Variants in ENO1 observed in about 807,000 individuals in gnomAD.
ENO1 encodes enolase 1.
In ENO1, 33 loss-of-function variants were observed where a neutral mutation model predicts 46.3. The observed-to-expected ratio is 0.71, with a 90% CI of 0.54 to 0.95. The LOEUF (loss-of-function observed/expected upper bound fraction) is 0.95, where lower values mean the gene tolerates loss of function less well. Ranked by LOEUF, ENO1 falls within the 40% of genes least tolerant of loss-of-function variation. The pLI is 0.00. For synonymous variants in ENO1, 220 were observed against 216.0 expected, an observed-to-expected ratio of 1.02 and a Z score of -0.16; for missense variants, 488 against 553.3, an observed-to-expected ratio of 0.88 and a Z score of 1.18.
At chr1:8,875,316 A>G (rs1642713203) in intron 1 of ENO1, among the ~76,000 whole-genome samples, 1 of 152,126 alleles carries the variant, frequency 6.6e-6, no homozygotes, top group Non-Finnish European at 1.5e-5. Context: ...AGAAAAAAAA[A>G]AAAAGAGAGA....
At position 8,875,816 on chromosome 1, in the gene ENO1, G is replaced by C. The variant is rs1313233741; in HGVS notation, c.-9-899C>G. 6 of 152,130 alleles carry C rather than the reference G, an allele frequency of 3.9e-5. No individual in the cohort carries two copies. The East Asian group carries it at 1.2e-3, about 29-fold the overall frequency. The allele number at this position is 152,130 out of a possible 1,614,324, so 9.4% of individuals were successfully genotyped here. A position where few individuals can be genotyped will look rare whatever the true frequency, so the allele number is the denominator to read the frequency against. ...TTTTAAGAGATGGCGGTCTCACTAT[G>C]CTGCCCAGGCTGCTCTCAAACTCCT... On this transcript the variant is annotated intron_variant, in intron 1 of 11. Coordinates refer to ENST00000234590, the MANE Select transcript of ENO1 (RefSeq NM_001428.5).
chr1:8,862,388 G>A (rs539304378), intron 11 of ENO1, among the ~76,000 whole-genome samples: 1 of 152,214 alleles, frequency 6.6e-6, no homozygotes, highest in Non-Finnish European at 1.5e-5. Flanking sequence ...TGGCGGGCGG[G>A]GGGACAAGTC....
rs986667298 is a variant in ENO1 at position 8,866,121 on chromosome 1, C to T, written c.667+158G>A. Reference sequence around the variant, plus strand: ...AAAAAATAAGTAAAATAAAATGAAGCTCCCCTTTTCCTCCTTAAAACCGTT... The same window carrying T: ...AAAAAATAAGTAAAATAAAATGAAGTTCCCCTTTTCCTCCTTAAAACCGTT... On this transcript the variant is annotated intron_variant, in intron 7 of 11. Transcript: ENST00000234590. The T allele has an allele frequency of 1.3e-5, 7 of 542,846 alleles. No individual in the cohort carries two copies. In the South Asian group the frequency reaches 1.5e-4, roughly 12 times the overall value. 33.6% of individuals were successfully genotyped at this position (542,846 alleles called of 1,614,324 possible).
chr1:8,866,335 G>A lies in ENO1; in HGVS notation c.611C>T (p.Ala204Val). The A allele has an allele frequency of 6.2e-7, 1 of 1,614,128 alleles. No homozygotes were observed. Among genetic ancestry groups the A allele is most frequent in the East Asian group, 2.2e-5 (1 of 44,862 alleles). Residue 204 changes from alanine (A) to valine (V), a missense_variant, in exon 7 of 12, where the codon GCC becomes GTC. Physicochemically the swap from Ala to Val is moderately conservative, Grantham distance 64. Coordinates refer to ENST00000234590, the MANE Select transcript of ENO1 (RefSeq NM_001428.5). ...NVIKEKYGKD[A>V]TNVGDEGGFA... ...CCCGCCTTCATCCCCCACATTGGTGGCATCTTTCCCATATTTCTCCTTGAT... is the reference window on the plus strand; with the variant it reads ...CCCGCCTTCATCCCCCACATTGGTGACATCTTTCCCATATTTCTCCTTGAT...
In ENO1 at chr1:8,863,225, T is replaced by G. The variant is rs200520582; in HGVS notation, c.1176+10A>C. On this transcript the variant is annotated intron_variant, in intron 10 of 11. Transcript: ENST00000234590. ...GGTCAGAGAAGAAAGGAGGAGACGC[T>G]CATTCTTACCTGCCCAGTGCACAGC... is the stretch of plus-strand genomic sequence containing the variant. 221 of 1,613,524 alleles carry G rather than the reference T, an allele frequency of 1.4e-4. No homozygotes were observed. The highest frequency in any genetic ancestry group is 1.4e-4 in the Non-Finnish European group (164 of 1,179,742).
intron 3 of ENO1, chr1:8,871,409 T>A: frequency 1.0e-6 from 1 of 996,432 alleles, no homozygotes; most frequent in Non-Finnish European, 1.2e-6. Context: ...AGGGCTCCTA[T>A]GAGTCAGTCA....
chr1:8,862,992 G>C (rs1166811466), intron 10 of ENO1, 47 bp from the exon 11 acceptor site: 1 of 1,604,430 alleles, frequency 6.2e-7, no homozygotes, highest in African/African-American at 1.3e-5. Context: ...AAGCTTTGCA[G>C]GCATTTCTGG....
chr1:8,867,907 G>A (rs965632875), intron 5 of ENO1, 81 bp downstream of exon 5: 116 of 1,228,942 alleles, frequency 9.4e-5, no homozygotes, highest in Non-Finnish European at 1.2e-4. Flanking sequence ...CTAAGATCAT[G>A]GGCCTCTTCC....
At chr1:8,870,135 C>A (rs1642599991) in intron 4 of ENO1, 1 of 363,004 alleles carries the variant, frequency 2.8e-6, no homozygotes, top group Non-Finnish European at 5.1e-6. Context: ...ATGGACACTA[C>A]CACAAACACC....
chr1:8,868,349 T>C (rs1642566584), intron 4 of ENO1, among the ~76,000 whole-genome samples: 1 of 152,106 alleles, frequency 6.6e-6, no homozygotes, highest in African/African-American at 2.4e-5. Context: ...CCAAAGTGAC[T>C]TTACACCCAA....
chr1:8,873,215 T>C (rs900631612), intron 2 of ENO1, among the ~76,000 whole-genome samples: 1 of 152,136 alleles, frequency 6.6e-6, no homozygotes, highest in African/African-American at 2.4e-5. Context: ...ACCACTCTAG[T>C]GGGGATGCTG....
intron 11 of ENO1, 80 bp downstream of exon 11, chr1:8,862,807 G>T: frequency 1.3e-6 from 2 of 1,498,204 alleles, no homozygotes; most frequent in Non-Finnish European, 1.8e-6. Flanking sequence ...AGGAGCTCCT[G>T]GGGGAGGGCA....
chr1:8,875,601 C>T (rs1450276230), intron 1 of ENO1, among the ~76,000 whole-genome samples: 1 of 152,162 alleles, frequency 6.6e-6, no homozygotes, highest in African/African-American at 2.4e-5. Context: ...GGACATAATT[C>T]TTCAGATTAA....
At chr1:8,868,948 A>G (rs1023750871) in intron 4 of ENO1, among the ~76,000 whole-genome samples, 2 of 152,252 alleles carry the variant, frequency 1.3e-5, no homozygotes, top group South Asian at 2.1e-4. Context: ...AAGTCCTCCT[A>G]AAGTGTTGGA....
chr1:8,863,214 G>C (rs747148122), intron 10 of ENO1, 21 bp downstream of exon 10: 1 of 1,612,942 alleles, frequency 6.2e-7, no homozygotes, highest in Non-Finnish European at 8.5e-7. Context: ...AGAGAAGAAA[G>C]GAGGAGACGC....
intron 7 of ENO1, 39 bp from the exon 8 acceptor site, chr1:8,865,521 A>G (rs749536908): frequency 6.2e-7 from 1 of 1,604,398 alleles, no homozygotes; most frequent in African/African-American, 1.3e-5. Flanking sequence ...GAAAACAGGT[A>G]GGTACAGAGA....
intron 11 of ENO1, among the ~76,000 whole-genome samples, chr1:8,862,292 T>C (rs1166309216): frequency 6.6e-6 from 1 of 152,158 alleles, no homozygotes; most frequent in Non-Finnish European, 1.5e-5. Flanking sequence ...GCCCTGCGTC[T>C]ACTGTTCACC....
intron 11 of ENO1, among the ~76,000 whole-genome samples, chr1:8,862,104 A>T (rs1642417438): frequency 6.6e-6 from 1 of 151,972 alleles, no homozygotes; most frequent in African/African-American, 2.4e-5. Flanking sequence ...GCCAAGACTG[A>T]GCCACTGCAC....
At chr1:8,864,480 AT>A (rs1293721400) in intron 8 of ENO1, among the ~76,000 whole-genome samples, 3 of 151,864 alleles carry the variant, frequency 2.0e-5, no homozygotes, top group Non-Finnish European at 4.4e-5. Context: ...ATTTTATTTT[AT>A]TTTTTTGTAG....
Sources: allele counts gnomAD v4.1 joint callset (sites outside exome capture counted in the v4.1 genomes callset), GRCh38; gene constraint gnomAD v4.1.1; transcripts MANE v1.5; gene names NCBI Gene and HGNC (gene_info 2026-07-23, HGNC 2026-07-21).